ELF2: variants seen among roughly 807,000 people sequenced by gnomAD.
ELF2 encodes E74 like ETS transcription factor 2.
ELF2 carries 11 observed loss-of-function variants against 54.8 expected under a neutral mutation model. That is an observed-to-expected ratio of 0.20 (90% CI 0.13 to 0.33). The LOEUF is 0.33. Ranked by LOEUF, ELF2 falls within the 10% of genes least tolerant of loss-of-function variation. The probability of loss-of-function intolerance (pLI) is 1.00; values close to 1 mark genes in which losing one functional copy is unlikely to be tolerated. For missense variants in ELF2, 513 were observed against 703.0 expected (o/e 0.73, Z 3.06); for synonymous variants, 203 against 245.1 (o/e 0.83, Z 1.61).
chr4:139,074,549 CAA>C (rs1284653759), intron 4 of ELF2, among the ~76,000 whole-genome samples: 2 of 151,858 alleles, frequency 1.3e-5, no homozygotes, highest in Admixed American at 1.3e-4. Flanking sequence ...ATCACGAGGT[CAA>C]GAGATCGAGA....
intron 1 of ELF2, among the ~76,000 whole-genome samples, chr4:139,171,454 G>A (rs1186279319): frequency 2.0e-5 from 3 of 151,944 alleles, no homozygotes; most frequent in Admixed American, 6.6e-5. Context: ...CAAGGTCATC[G>A]CCAAGGTCTG....
intron 5 of ELF2, 140 bp from the exon 6 acceptor site, chr4:139,072,179 T>G (rs1729612003): frequency 1.3e-6 from 1 of 751,382 alleles, no homozygotes; most frequent in Non-Finnish European, 2.1e-6. Context: ...GAAGTTAATT[T>G]GCTGAATATT....
intron 1 of ELF2, among the ~76,000 whole-genome samples, chr4:139,160,478 G>C (rs1353665534): frequency 1.3e-5 from 2 of 152,074 alleles, no homozygotes; most frequent in Non-Finnish European, 2.9e-5. Context: ...AAGATCAGTC[G>C]ATGGTAGTGA....
chr4:139,064,618 G>A (rs1728407651), intron 7 of ELF2, among the ~76,000 whole-genome samples: 1 of 152,160 alleles, frequency 6.6e-6, no homozygotes, highest in Non-Finnish European at 1.5e-5. Context: ...GTTGGCTCAT[G>A]TGTGTAATCC....
At chr4:139,162,633 G>C (rs1207611742) in intron 1 of ELF2, among the ~76,000 whole-genome samples, 3 of 152,104 alleles carry the variant, frequency 2.0e-5, no homozygotes, top group Non-Finnish European at 2.9e-5. Context: ...TAAATTAAGT[G>C]ATAAATACTC....
At position 139,164,130 on chromosome 4, in the gene ELF2, AAG is replaced by A. The variant is rs1247122504; in HGVS notation, c.-252+12835_-252+12836del. ...AAAGAGGGAGGAAGGGAGAGAGAGAAAGAGAAAGAAGAGAGAGAAAGAAAGAA... is the reference window on the plus strand; with the variant it reads ...AAAGAGGGAGGAAGGGAGAGAGAGAAAGAAAGAAGAGAGAGAAAGAAAGAA... On this transcript the variant is annotated intron_variant, in intron 1 of 9. Transcript: ENST00000686138. 9.2e-4 allele frequency among the ~76,000 whole-genome samples: 134 copies of A among 146,138 alleles called. 1 individual carries two copies. Among genetic ancestry groups the A allele is most frequent in the African/African-American group, 3.2e-3 (128 of 39,698 alleles).
chr4:139,159,259 G>C (rs1740860077), intron 1 of ELF2, among the ~76,000 whole-genome samples: 1 of 152,160 alleles, frequency 6.6e-6, no homozygotes, highest in Non-Finnish European at 1.5e-5. Flanking sequence ...TAGAATAGCA[G>C]ATGGAACACT....
intron 1 of ELF2, chr4:139,155,576 C>T (rs1740441887): frequency 6.6e-6 from 1 of 152,032 alleles, no homozygotes; most frequent in African/African-American, 2.4e-5. Context: ...GAGACTGCAT[C>T]TCTACAAATA....
intron 4 of ELF2, among the ~76,000 whole-genome samples, chr4:139,098,518 G>GA (rs1375914318): frequency 6.6e-6 from 1 of 150,554 alleles, no homozygotes; most frequent in Non-Finnish European, 1.5e-5. Context: ...ACCCAGGCTG[G>GA]AGTGCAGTGG....
chr4:139,137,352 T>G (rs1738289389), intron 3 of ELF2: 1 of 467,280 alleles, frequency 2.1e-6, no homozygotes. Flanking sequence ...ATGAGGGATT[T>G]AAATTTAACT....
chr4:139,097,002 CTTTATT>C (rs1733353840), intron 4 of ELF2, among the ~76,000 whole-genome samples: 1 of 151,944 alleles, frequency 6.6e-6, no homozygotes, highest in Non-Finnish European at 1.5e-5. Flanking sequence ...TGACTTTCAT[CTTTATT>C]TTTAACTTAC....
At chr4:139,156,913 C>T (rs1740608521) in intron 1 of ELF2, among the ~76,000 whole-genome samples, 1 of 152,300 alleles carries the variant, frequency 6.6e-6, no homozygotes, top group East Asian at 1.9e-4. Flanking sequence ...GGATTTCAGG[C>T]ATGAGCCACC....
At chr4:139,121,913 G>A (rs1181670372) in intron 4 of ELF2, among the ~76,000 whole-genome samples, 4 of 152,146 alleles carry the variant, frequency 2.6e-5, no homozygotes, top group African/African-American at 7.2e-5. Flanking sequence ...ACAAAAAGGA[G>A]AAACAAACAG....
chr4:139,082,491 G>A lies in ELF2; in HGVS notation c.239-8924C>T, dbSNP rs76676753. On this transcript the variant is annotated intron_variant, in intron 4 of 9. Coordinates refer to ENST00000686138, the MANE Select transcript of ELF2 (RefSeq NM_001331036.3). ...AACTGCATTTTCCTTTGGAACCTCT[G>A]AAACACATATTTTTACATTTTATAG... Among the ~76,000 whole-genome samples the A allele has an allele frequency of 9.7e-3, 1,471 of 152,240 alleles. 12 individuals carry two copies. The highest frequency in any genetic ancestry group is 0.014 in the Non-Finnish European group (968 of 68,002).
intron 3 of ELF2, among the ~76,000 whole-genome samples, chr4:139,136,612 C>G (rs968065317): frequency 6.6e-6 from 1 of 151,724 alleles, no homozygotes; most frequent in African/African-American, 2.4e-5. Context: ...CAAATATTGT[C>G]CATTATTATG....
intron 4 of ELF2, chr4:139,073,830 T>C: frequency 5.5e-6 from 1 of 181,598 alleles, no homozygotes; most frequent in Non-Finnish European, 1.1e-5. Context: ...TGACATTGAT[T>C]AGAAATTACT....
chr4:139,115,444 T>A (rs1441488267), intron 4 of ELF2: 3 of 976,570 alleles, frequency 3.1e-6, no homozygotes. Context: ...CGCCCCCGGC[T>A]GGCTGGGGTT....
At position 139,107,751 on chromosome 4, in the gene ELF2, A is replaced by G. The variant is rs188389916; in HGVS notation, c.238+17413T>C. Among the ~76,000 whole-genome samples, 451 of 152,336 alleles carry G rather than the reference A, an allele frequency of 3.0e-3. 2 individuals carry two copies. Among genetic ancestry groups the G allele is most frequent in the South Asian group, 3.3e-3 (16 of 4,828 alleles). On this transcript the variant is annotated intron_variant, in intron 4 of 9. Coordinates refer to ENST00000686138, the MANE Select transcript of ELF2 (RefSeq NM_001331036.3). ...GGTATTCTAGATTTAGAAACATGTG[A>G]ATGTTGGAAAGGTAATATGATACAC... is the stretch of plus-strand genomic sequence containing the variant.
intron 4 of ELF2, among the ~76,000 whole-genome samples, chr4:139,123,958 T>A (rs189507367): frequency 4.5e-4 from 68 of 152,310 alleles, no homozygotes; most frequent in Admixed American, 1.9e-3. Flanking sequence ...CAAACTCTCA[T>A]AAAAAGATAT....
Sources: allele counts gnomAD v4.1 joint callset (sites outside exome capture counted in the v4.1 genomes callset), GRCh38; gene constraint gnomAD v4.1.1; transcripts MANE v1.5; gene names NCBI Gene and HGNC (gene_info 2026-07-23, HGNC 2026-07-21).